The following NSFL1C variants were observed in gnomAD, a reference collection of about 807,000 sequenced individuals.
The protein encoded by NSFL1C is NSFL1 cofactor p47.
NSFL1C carries 14 observed loss-of-function variants against 43.1 expected under a neutral mutation model. That is an observed-to-expected ratio of 0.32 (90% CI 0.21 to 0.51). NSFL1C has a LOEUF of 0.51. Ranked by LOEUF, NSFL1C falls within the 20% of genes least tolerant of loss-of-function variation. NSFL1C has a pLI of 0.98. For missense variants in NSFL1C, 406 were observed against 472.5 expected (o/e 0.86, Z 1.30); for synonymous variants, 171 against 183.5 (o/e 0.93, Z 0.55).
At chr20:1,457,124 T>G (rs533123826) in intron 3 of NSFL1C, 18 of 152,190 alleles carry the variant, frequency 1.2e-4, no homozygotes, top group Non-Finnish European at 2.5e-4. Flanking sequence ...AAACAAATAG[T>G]TGATGGGTAC....
chr20:1,459,599 G>C (rs746887502), intron 2 of NSFL1C, among the ~76,000 whole-genome samples: 30 of 152,192 alleles, frequency 2.0e-4, no homozygotes, highest in Non-Finnish European at 3.2e-4. Flanking sequence ...TTTATTTCAA[G>C]GAGACAATCA....
At chr20:1,454,761 GAC>G (rs1241152855) in intron 4 of NSFL1C, among the ~76,000 whole-genome samples, 1 of 152,206 alleles carries the variant, frequency 6.6e-6, no homozygotes, top group Non-Finnish European at 1.5e-5. Context: ...ACCCAATCTA[GAC>G]CATAGGCTGT....
chr20:1,451,055 C>T (rs2090170404), intron 7 of NSFL1C, among the ~76,000 whole-genome samples: 1 of 151,980 alleles, frequency 6.6e-6, no homozygotes, highest in South Asian at 2.1e-4. Flanking sequence ...TTTACCTGCA[C>T]TTTCTATTAA....
chr20:1,446,572 T>C (rs1303031527), intron 7 of NSFL1C, among the ~76,000 whole-genome samples: 1 of 152,132 alleles, frequency 6.6e-6, no homozygotes, highest in Non-Finnish European at 1.5e-5. Context: ...TCAACAAAGG[T>C]AGTAATTAGA....
chr20:1,456,461 G>A (rs1200332582), intron 3 of NSFL1C: 1 of 152,188 alleles, frequency 6.6e-6, no homozygotes, highest in African/African-American at 2.4e-5. Flanking sequence ...TAGAACACAT[G>A]TAATTTCTCA....
intron 1 of NSFL1C, among the ~76,000 whole-genome samples, chr20:1,465,526 AT>A (rs1219973392): frequency 6.6e-6 from 1 of 152,142 alleles, no homozygotes; most frequent in Admixed American, 6.5e-5. Context: ...GGGGCTTCCC[AT>A]TGTGTCTAGG....
At chr20:1,462,815 G>A (rs893837283) in intron 2 of NSFL1C, among the ~76,000 whole-genome samples, 3 of 152,086 alleles carry the variant, frequency 2.0e-5, no homozygotes, top group African/African-American at 4.8e-5. Flanking sequence ...GAGCCACCGC[G>A]CCTGGCCACT....
intron 2 of NSFL1C, among the ~76,000 whole-genome samples, chr20:1,462,517 A>G (rs1437732422): frequency 6.8e-6 from 1 of 147,050 alleles, no homozygotes. Context: ...TGATTCTTTT[A>G]CTTTTATGCC....
At chr20:1,446,719 C>G (rs1225046856) in intron 7 of NSFL1C, among the ~76,000 whole-genome samples, 1 of 152,178 alleles carries the variant, frequency 6.6e-6, no homozygotes, top group East Asian at 1.9e-4. Context: ...TATGGAGCCG[C>G]CTTCTCTCCT....
intron 6 of NSFL1C, 142 bp downstream of exon 6, chr20:1,452,889 G>T: frequency 1.4e-6 from 1 of 714,108 alleles, no homozygotes; most frequent in Non-Finnish European, 2.4e-6. Context: ...GGTTTTTGGA[G>T]CAGATCTATG....
chr20:1,462,445 T>C, intron 2 of NSFL1C, among the ~76,000 whole-genome samples: 1 of 152,172 alleles, frequency 6.6e-6, no homozygotes, highest in East Asian at 1.9e-4. Context: ...CAATGCCTCT[T>C]GGACCAAATG....
intron 5 of NSFL1C, among the ~76,000 whole-genome samples, chr20:1,453,784 G>T (rs935798646): frequency 6.6e-6 from 1 of 151,958 alleles, no homozygotes; most frequent in African/African-American, 2.4e-5. Flanking sequence ...TTACACTTGT[G>T]GGGAAGGAGA....
chr20:1,447,659 T>C (rs1485614053), intron 7 of NSFL1C, among the ~76,000 whole-genome samples: 1 of 152,204 alleles, frequency 6.6e-6, no homozygotes, highest in Non-Finnish European at 1.5e-5. Context: ...ATTCAAAGTA[T>C]ACGTACTCAT....
intron 3 of NSFL1C, chr20:1,455,660 G>A: frequency 1.3e-6 from 1 of 779,632 alleles, no homozygotes. Flanking sequence ...ACTACTCTGT[G>A]ACTCACTTTC....
In NSFL1C at chr20:1,443,833, G is replaced by A. The variant is rs893216684; in HGVS notation, c.1029C>T (p.Phe343=). 3 of 1,613,964 alleles carry A rather than the reference G, an allele frequency of 1.9e-6. No homozygotes were observed. The African/African-American group carries it at 4.0e-5, about 22-fold the overall frequency. ...AATSFILMTT[F]PNKELADESQ... Reference sequence around the variant, plus strand: ...TCTCATCAGCCAGCTCTTTGTTCGGGAAAGTAGTCATGAGGATAAAGCTGG... The same window carrying A: ...TCTCATCAGCCAGCTCTTTGTTCGGAAAAGTAGTCATGAGGATAAAGCTGG... The change falls in exon 9 of 9, where the codon TTC becomes TTT. Residue 343 remains phenylalanine, a synonymous_variant. Transcript: ENST00000216879.
chr20:1,449,588 C>T (rs145487640), intron 7 of NSFL1C, among the ~76,000 whole-genome samples: 2 of 152,298 alleles, frequency 1.3e-5, no homozygotes, highest in East Asian at 1.9e-4. Context: ...TCCCAGTGAG[C>T]GGCTGGCCAT....
At chr20:1,457,995 A>G (rs1011246875) in intron 3 of NSFL1C, 8 of 451,158 alleles carry the variant, frequency 1.8e-5, no homozygotes, top group Non-Finnish European at 3.2e-5. Context: ...ATTCCTCAAT[A>G]AATACATTAA....
At chr20:1,452,386 T>G (rs1599948385) in intron 7 of NSFL1C, 107 bp downstream of exon 7, 1 of 1,413,984 alleles carries the variant, frequency 7.1e-7, no homozygotes, top group Non-Finnish European at 9.6e-7. Flanking sequence ...TTTGAAGTAT[T>G]TTGTAAACAG....
In NSFL1C at chr20:1,443,528, AT is replaced by A. The variant is rs3215612; in HGVS notation, c.*220del. 1,393 of 400,210 alleles carry A rather than the reference AT, an allele frequency of 3.5e-3. No homozygotes were observed. The highest frequency in any genetic ancestry group is 6.8e-3 in the Middle Eastern group (10 of 1,478). 24.8% of individuals were successfully genotyped at this position (400,210 alleles called of 1,614,324 possible). On this transcript the variant is annotated 3_prime_UTR_variant, in exon 9 of 9. Transcript: ENST00000216879. ...TCCTTCAATTTTTTTGGTTGTTTTT[AT>A]TTTTTTTTTCATTAAAGTCCATTGA...
Sources: gnomAD v4.1 joint callset for allele counts (sites outside exome capture counted in the v4.1 genomes callset) on GRCh38, gnomAD v4.1.1 for gene constraint, MANE v1.5 for transcripts, NCBI Gene and HGNC (gene_info 2026-07-23, HGNC 2026-07-21) for gene names.